Variants in SNAP47 observed in about 807,000 individuals in gnomAD.
SNAP47 encodes synaptosomal-associated protein 47.
Under a neutral mutation model 31.4 loss-of-function variants are expected in SNAP47, and 20 were observed. The ratio of observed to expected loss-of-function variants is 0.64; its 90% CI spans 0.45 to 0.93. SNAP47 has a LOEUF of 0.93. Ranked by LOEUF, SNAP47 falls within the 40% of genes least tolerant of loss-of-function variation. The pLI, the probability that SNAP47 is intolerant of heterozygous loss-of-function variation, is 0.00. For missense variants in SNAP47, 492 were observed against 528.5 expected (o/e 0.93, Z 0.68); for synonymous variants, 194 against 213.4 (o/e 0.91, Z 0.79).
intron 2 of SNAP47, among the ~76,000 whole-genome samples, chr1:227,749,552 A>G (rs1262353849): frequency 2.0e-5 from 3 of 152,068 alleles, no homozygotes; most frequent in Non-Finnish European, 4.4e-5. Flanking sequence ...CCCTAATTGC[A>G]TGGTCTCTCA....
intron 1 of SNAP47, among the ~76,000 whole-genome samples, chr1:227,738,238 C>T (rs1661360729): frequency 1.3e-5 from 2 of 152,110 alleles, no homozygotes; most frequent in Admixed American, 6.5e-5. Context: ...GACGGGGTTT[C>T]ACCATGTTGG....
In SNAP47 at chr1:227,748,103, A is replaced by G. The variant is rs773946631; in HGVS notation, c.367A>G (p.Thr123Ala). The G allele has an allele frequency of 9.3e-6, 15 of 1,614,050 alleles. No homozygotes were observed. In the East Asian group the frequency reaches 3.3e-4, roughly 36 times the overall value. Residue 123 changes from threonine to alanine, a missense_variant, in exon 2 of 5, where the codon ACG (threonine) becomes GCG (alanine). Coordinates refer to ENST00000617596, the MANE Select transcript of SNAP47 (RefSeq NM_053052.4). ...CCCAAGGACCCGGGGCGAGGAGCTG[A>G]CGGGACTCATGGCTGGATCCCAGAA... ...SVPRTRGEEL[T>A]GLMAGSQKRL... is the part of the protein sequence containing the mutation.
At chr1:227,734,799 C>T, upstream of SNAP47, 1 of 1,613,990 alleles carries the variant, frequency 6.2e-7, no homozygotes, top group Non-Finnish European at 8.5e-7. Context: ...CAGTTTGCAA[C>T]TGGTACAACC....
chr1:227,759,732 C>T (rs143456859), intron 3 of SNAP47: 278 of 559,406 alleles, frequency 5.0e-4, no homozygotes, highest in East Asian at 4.5e-3. Flanking sequence ...AATTCCAAAG[C>T]GGTTGGTACC....
In SNAP47 at chr1:227,735,543, G is replaced by A. The variant is rs1278232639; in HGVS notation, c.-46+44G>A. On this transcript the variant is annotated intron_variant, in intron 1 of 4. Transcript: ENST00000617596. ...CTGTTGGGCGCCCGGCCCAAGCCAA[G>A]CCGTAGCGTCCGCCCTCGGCTCAGT... 5 of 1,360,708 alleles carry A rather than the reference G, an allele frequency of 3.7e-6. No homozygotes were observed. The Admixed American group carries it at 1.1e-4, about 31-fold the overall frequency. The allele number at this position is 1,360,708 out of a possible 1,614,324, so 84.3% of individuals were successfully genotyped here. A position where few individuals can be genotyped will look rare whatever the true frequency, so the allele number is the denominator to read the frequency against.
At chr1:227,734,708 T>C (rs1176078899), upstream of SNAP47, 2 of 1,614,072 alleles carry the variant, frequency 1.2e-6, no homozygotes, top group Non-Finnish European at 1.7e-6. Context: ...GTAGCCCGCC[T>C]GTATGTACTC....
chr1:227,761,859 A>G (rs746174155), intron 3 of SNAP47, among the ~76,000 whole-genome samples: 1 of 151,888 alleles, frequency 6.6e-6, no homozygotes, highest in Non-Finnish European at 1.5e-5. Context: ...GGTGGCGAGC[A>G]CTCCTGTGTT....
chr1:227,768,402 G>A (rs1481544890), intron 4 of SNAP47: 3 of 895,714 alleles, frequency 3.3e-6, no homozygotes, highest in Admixed American at 1.2e-4. Flanking sequence ...CCCTGTTTTT[G>A]TAGGGAGTGT....
Position 227,773,643 on chromosome 1 carries a change from G to A in SNAP47, c.1113+6560G>A, listed in dbSNP as rs187678567. On this transcript the variant is annotated intron_variant, in intron 4 of 4. Transcript: ENST00000617596. ...AGCGCTCTACACTGCGTGCCATTTC[G>A]TATCTTTATGCTGCACATTTACGGC... Among the ~76,000 whole-genome samples the A allele has an allele frequency of 7.2e-5, 11 of 152,342 alleles. No homozygotes were observed. The East Asian group carries it at 1.9e-3, about 27-fold the overall frequency.
At chr1:227,778,435 T>C (rs1263652841) in intron 4 of SNAP47, among the ~76,000 whole-genome samples, 1 of 152,224 alleles carries the variant, frequency 6.6e-6, no homozygotes, top group Non-Finnish European at 1.5e-5. Flanking sequence ...CTAAATACAC[T>C]TAAATCACAT....
At chr1:227,735,380 G>C (rs7419238), upstream of SNAP47, 1 of 1,586,266 alleles carries the variant, frequency 6.3e-7, no homozygotes, top group Admixed American at 1.7e-5. Context: ...TTTCTGCCCC[G>C]CCAGCGCCTG....
At chr1:227,768,813 C>A (rs1239682283) in intron 4 of SNAP47, among the ~76,000 whole-genome samples, 3 of 152,240 alleles carry the variant, frequency 2.0e-5, no homozygotes, top group Admixed American at 2.0e-4. Context: ...CAGCCATCCT[C>A]CTGAGAGTGC....
intron 2 of SNAP47, among the ~76,000 whole-genome samples, chr1:227,748,919 G>T (rs952371557): frequency 6.6e-6 from 1 of 152,166 alleles, no homozygotes; most frequent in African/African-American, 2.4e-5. Flanking sequence ...TTCCAAGTCC[G>T]ATTTTTGCTT....
intron 1 of SNAP47, among the ~76,000 whole-genome samples, chr1:227,740,901 G>A (rs1467341337): frequency 1.3e-5 from 2 of 151,140 alleles, no homozygotes; most frequent in Non-Finnish European, 2.9e-5. Context: ...AAAGCTGAAG[G>A]AGGGGCTGTG....
At chr1:227,738,498 A>G (rs1661384400) in intron 1 of SNAP47, among the ~76,000 whole-genome samples, 1 of 152,154 alleles carries the variant, frequency 6.6e-6, no homozygotes, top group Non-Finnish European at 1.5e-5. Flanking sequence ...TCACACATAC[A>G]CAGTCTCTTT....
chr1:227,754,453 G>A (rs11580623), intron 2 of SNAP47, among the ~76,000 whole-genome samples: 4,601 of 152,254 alleles, frequency 0.03, 110 homozygotes, highest in Non-Finnish European at 0.044. Context: ...CTGTCCATCC[G>A]TAAGGGTGGA....
In SNAP47 at chr1:227,729,439, G is replaced by A. The variant is rs1231999258; in HGVS notation, c.-95+653G>A. On this transcript the variant is annotated intron_variant, in intron 1 of 3. Transcript: ENST00000366760. Reference sequence around the variant, plus strand: ...GCTGGTAGTTGCAGTTCTGTGGGACGCTGGCACAATCACCTGCCAAAACCA... The same window carrying A: ...GCTGGTAGTTGCAGTTCTGTGGGACACTGGCACAATCACCTGCCAAAACCA... Among the ~76,000 whole-genome samples the A allele has an allele frequency of 3.3e-5, 5 of 152,136 alleles. No homozygotes were observed. The East Asian group carries it at 5.8e-4, about 18-fold the overall frequency.
Position 227,741,752 on chromosome 1 carries a change from C to T in SNAP47, c.-45-5940C>T, listed in dbSNP as rs184824134. Among the ~76,000 whole-genome samples the T allele has an allele frequency of 3.4e-3, 516 of 152,040 alleles. 12 individuals carry two copies. Among genetic ancestry groups the T allele is most frequent in the South Asian group, 0.027 (132 of 4,804 alleles). On this transcript the variant is annotated intron_variant, in intron 1 of 4. Transcript: ENST00000617596. This position sits in a 1 kb window ranked among gnomAD's most constrained non-coding sequence, Gnocchi z 4.2. ...GGGAATGGCTGGCCGGCGTGGGGGC[C>T]GTGTTCAAGATTGGGCTGCTTCTGA...
At chr1:227,755,802 C>T (rs1662657535) in intron 2 of SNAP47, among the ~76,000 whole-genome samples, 1 of 152,168 alleles carries the variant, frequency 6.6e-6, no homozygotes, top group Admixed American at 6.5e-5. Flanking sequence ...GGCACTGGCT[C>T]ACCTGCAGGC....
Sources: gnomAD v4.1 joint callset for allele counts (sites outside exome capture counted in the v4.1 genomes callset) on GRCh38, gnomAD v4.1.1 for gene constraint, Gnocchi (gnomAD v3.1) non-coding constraint, MANE v1.5 for transcripts, NCBI Gene and HGNC (gene_info 2026-07-23, HGNC 2026-07-21) for gene names.